Variants in ANKRD30A observed in about 807,000 individuals in gnomAD.
The protein encoded by ANKRD30A is ankyrin repeat domain-containing protein 30A.
In ANKRD30A, 170 loss-of-function variants were observed where a neutral mutation model predicts 166.3. That is an observed-to-expected ratio of 1.02 (90% CI 0.90 to 1.16). The LOEUF (loss-of-function observed/expected upper bound fraction) is 1.16. Ranked by LOEUF, ANKRD30A falls within the 50% of genes most tolerant of loss-of-function variation. The probability of loss-of-function intolerance (pLI) is 0.00; values close to 1 mark genes in which losing one functional copy is unlikely to be tolerated. For missense variants in ANKRD30A, 1,630 were observed against 1,518.0 expected (o/e 1.07, Z -1.23); for synonymous variants, 564 against 508.9 (o/e 1.11, Z -1.46).
At chr10:37,246,939 G>C in the ANKRD30A span, among the ~76,000 whole-genome samples, 1 of 152,190 alleles carries the variant, frequency 6.6e-6, no homozygotes, top group Non-Finnish European at 1.5e-5. Flanking sequence ...TGTGCCCAGA[G>C]CCCAGGCACA....
At position 37,217,878 on chromosome 10, in the gene ANKRD30A, G is replaced by T; in HGVS notation, c.3267G>T (p.Gln1089His). 6.6e-7 allele frequency: 1 copy of T among 1,517,352 alleles called. No individual in the cohort carries two copies. Among genetic ancestry groups the T allele is most frequent in the East Asian group, 2.4e-5 (1 of 40,872 alleles). The allele number at this position is 1,517,352 out of a possible 1,614,324, so 94.0% of individuals were successfully genotyped here. A position where few individuals can be genotyped will look rare whatever the true frequency, so the allele number is the denominator to read the frequency against. Residue 1089 changes from glutamine (Q) to histidine (H), a missense_variant and splice_region_variant, in exon 33 of 36, where the codon CAG (glutamine) becomes CAT (histidine). By Grantham distance (24) the Gln-to-His change is conservative. Transcript: ENST00000361713. ...AGAGTGTAGAAAGTAATTTGAATCA[G>T]GTAAATCAATCTCTGATAAAAATTT... ...ELKSVESNLN[Q>H]VSHTHENENY...
At chr10:37,240,386 G>T in the ANKRD30A span, among the ~76,000 whole-genome samples, 1 of 152,122 alleles carries the variant, frequency 6.6e-6, no homozygotes, top group Admixed American at 6.6e-5. Context: ...GACTCATCTT[G>T]TAATGCATAG....
At chr10:37,167,495 C>T (rs1839450398) in intron 19 of ANKRD30A, among the ~76,000 whole-genome samples, 1 of 151,490 alleles carries the variant, frequency 6.6e-6, no homozygotes, top group South Asian at 2.1e-4. Context: ...GAATTTATGA[C>T]TTGAATACCT....
At chr10:37,232,690 ATAT>A (rs1843486471), downstream of ANKRD30A, 2 of 5,140 alleles carry the variant, frequency 3.9e-4, no homozygotes, top group Non-Finnish European at 9.5e-4. Context: ...ATATATATAT[ATAT>A]AAATAGAGAG....
chr10:37,137,585 C>A (rs530646289), intron 6 of ANKRD30A, among the ~76,000 whole-genome samples: 8 of 152,306 alleles, frequency 5.3e-5, no homozygotes, highest in Admixed American at 1.3e-4. Flanking sequence ...ATATCCCGAG[C>A]ATGGCTCAGA....
the ANKRD30A span, among the ~76,000 whole-genome samples, chr10:37,250,687 G>A: frequency 2.6e-5 from 4 of 152,078 alleles, no homozygotes; most frequent in African/African-American, 9.7e-5. Flanking sequence ...ACTCCAGAGA[G>A]CTTATTGCCC....
the ANKRD30A span, among the ~76,000 whole-genome samples, chr10:37,254,839 C>T: frequency 5.9e-5 from 9 of 151,886 alleles, no homozygotes; most frequent in Non-Finnish European, 2.9e-5. Context: ...CCCGCCACCA[C>T]ACCCAGCTAA....
intron 27 of ANKRD30A, among the ~76,000 whole-genome samples, chr10:37,195,848 G>T (rs894539958): frequency 6.6e-6 from 1 of 151,216 alleles, no homozygotes; most frequent in African/African-American, 2.4e-5. Context: ...GGCCTTTGAT[G>T]GGAAAAATTG....
chr10:37,159,377 T>C (rs890099488), intron 15 of ANKRD30A, among the ~76,000 whole-genome samples: 2 of 151,952 alleles, frequency 1.3e-5, no homozygotes, highest in Non-Finnish European at 2.9e-5. Flanking sequence ...AAATAGCCGG[T>C]TGTGATGGTG....
intron 27 of ANKRD30A, 61 bp from the exon 28 acceptor site, chr10:37,197,220 C>G: frequency 2.5e-6 from 4 of 1,597,156 alleles, no homozygotes; most frequent in Admixed American, 1.7e-5. Context: ...TCACGGCATT[C>G]ATTTGTGGCT....
At chr10:37,132,403 ACT>A (rs2132510805) in intron 4 of ANKRD30A, 57 bp downstream of exon 4, 4 of 986,764 alleles carry the variant, frequency 4.1e-6, no homozygotes, top group Non-Finnish European at 5.9e-6. Flanking sequence ...GAGTAATAAC[ACT>A]CAAGTCAGAA....
chr10:37,206,067 T>C (rs1841972501), intron 31 of ANKRD30A, among the ~76,000 whole-genome samples: 1 of 152,162 alleles, frequency 6.6e-6, no homozygotes, highest in African/African-American at 2.4e-5. Context: ...AGATGCACGA[T>C]ATTACTTCTG....
At chr10:37,149,871 T>C (rs1564489875) in intron 11 of ANKRD30A, 22 bp downstream of exon 11, 2 of 1,611,676 alleles carry the variant, frequency 1.2e-6, no homozygotes, top group Non-Finnish European at 1.7e-6. Flanking sequence ...AATTTAACTA[T>C]GCAAAGACGA....
intron 12 of ANKRD30A, among the ~76,000 whole-genome samples, chr10:37,153,056 A>G (rs1437623044): frequency 1.3e-5 from 2 of 152,162 alleles, no homozygotes; most frequent in Admixed American, 6.6e-5. Context: ...GTTTACCGAA[A>G]GGAAGCAGCT....
chr10:37,201,375 A>T, intron 31 of ANKRD30A, 50 bp downstream of exon 31: 1 of 1,383,868 alleles, frequency 7.2e-7, no homozygotes, highest in East Asian at 2.4e-5. Context: ...TATTTCTCTA[A>T]AATGATGAGG....
At chr10:37,251,739 T>C in the ANKRD30A span, among the ~76,000 whole-genome samples, 1 of 152,222 alleles carries the variant, frequency 6.6e-6, no homozygotes, top group Non-Finnish European at 1.5e-5. Context: ...GGGTACATTG[T>C]TCATTCACTA....
At chr10:37,139,997 G>A (rs1437766238) in intron 6 of ANKRD30A, among the ~76,000 whole-genome samples, 1 of 152,126 alleles carries the variant, frequency 6.6e-6, no homozygotes, top group Non-Finnish European at 1.5e-5. Flanking sequence ...AGCACAAACA[G>A]TCAATTAACT....
At chr10:37,132,767 G>C (rs1564465608) in intron 4 of ANKRD30A, among the ~76,000 whole-genome samples, 1 of 152,180 alleles carries the variant, frequency 6.6e-6, no homozygotes, top group African/African-American at 2.4e-5. Context: ...GGAGGCCAAG[G>C]TGGTTGGATC....
chr10:37,150,361 T>C (rs1837835581), intron 11 of ANKRD30A, among the ~76,000 whole-genome samples: 1 of 151,916 alleles, frequency 6.6e-6, no homozygotes, highest in African/African-American at 2.4e-5. Flanking sequence ...TGTGTGTCTG[T>C]TTATGTGTTT....
Sources: allele counts gnomAD v4.1 joint callset (sites outside exome capture counted in the v4.1 genomes callset), GRCh38; gene constraint gnomAD v4.1.1; transcripts MANE v1.5; gene names NCBI Gene and HGNC (gene_info 2026-07-23, HGNC 2026-07-21).